BTBD7: variants seen among roughly 807,000 people sequenced by gnomAD.
BTBD7 encodes the protein BTB domain containing 7.
Under a neutral mutation model 99.9 loss-of-function variants are expected in BTBD7, and 38 were observed. The ratio of observed to expected loss-of-function variants is 0.38; its 90% CI spans 0.29 to 0.50. The LOEUF (loss-of-function observed/expected upper bound fraction) is 0.50. Ranked by LOEUF, BTBD7 falls within the 20% of genes least tolerant of loss-of-function variation. The pLI is 0.93. For missense variants in BTBD7, 1,170 were observed against 1,394.6 expected, an observed-to-expected ratio of 0.84 and a Z score of 2.57; for synonymous variants, 520 against 511.4, an observed-to-expected ratio of 1.02 and a Z score of -0.23.
At chr14:93,272,207 G>A (rs746756793) in intron 3 of BTBD7, among the ~76,000 whole-genome samples, 3 of 152,174 alleles carry the variant, frequency 2.0e-5, no homozygotes, top group Non-Finnish European at 2.9e-5. Flanking sequence ...GCTTGAACCC[G>A]GGAGGTAGAG....
chr14:93,321,300 G>A (rs960948294), intron 1 of BTBD7, among the ~76,000 whole-genome samples: 6 of 152,156 alleles, frequency 3.9e-5, no homozygotes, highest in Admixed American at 1.3e-4. Flanking sequence ...TTCCTCCAAA[G>A]GTGCTTCTTT....
intron 3 of BTBD7, among the ~76,000 whole-genome samples, chr14:93,275,760 T>C (rs1229775482): frequency 3.3e-5 from 5 of 152,244 alleles, no homozygotes; most frequent in African/African-American, 1.2e-4. Context: ...ATCTGTTCAC[T>C]GAAACACATC....
At chr14:93,290,933 C>A (rs1566851761) in intron 3 of BTBD7, among the ~76,000 whole-genome samples, 1 of 151,552 alleles carries the variant, frequency 6.6e-6, no homozygotes, top group Non-Finnish European at 1.5e-5. Context: ...GATCCATCCA[C>A]CTCGGCCTCC....
chr14:93,301,504 C>CATATATATAT (rs146779909), intron 1 of BTBD7, among the ~76,000 whole-genome samples: 8 of 150,058 alleles, frequency 5.3e-5, no homozygotes, highest in African/African-American at 1.2e-4. Flanking sequence ...AATATTTTTA[C>CATATATATAT]ATATATATAT....
chr14:93,321,909 A>G (rs1004764724), intron 1 of BTBD7, among the ~76,000 whole-genome samples: 2 of 152,172 alleles, frequency 1.3e-5, no homozygotes, highest in African/African-American at 4.8e-5. Flanking sequence ...AGAAGGAGCG[A>G]GAAGAATGCC....
chr14:93,327,881 A>T (rs2053351836), intron 1 of BTBD7, among the ~76,000 whole-genome samples: 1 of 152,220 alleles, frequency 6.6e-6, no homozygotes, highest in African/African-American at 2.4e-5. Flanking sequence ...TCCACAAAAA[A>T]GATTCCACAC....
intron 10 of BTBD7, among the ~76,000 whole-genome samples, chr14:93,244,977 A>C (rs1384105411): frequency 6.8e-6 from 1 of 147,058 alleles, no homozygotes; most frequent in Non-Finnish European, 1.5e-5. Context: ...GTCCCACCTT[A>C]GCCCCATGAG....
Position 93,332,963 on chromosome 14 carries a change from C to T in BTBD7, c.-250G>A, listed in dbSNP as rs2053474824. 4 of 677,072 alleles carry T rather than the reference C, an allele frequency of 5.9e-6. No homozygotes were observed. The South Asian group carries it at 6.7e-5, about 11-fold the overall frequency. 41.9% of individuals were successfully genotyped at this position (677,072 alleles called of 1,614,324 possible). On this transcript the variant is annotated 5_prime_UTR_variant, in exon 1 of 11. Coordinates refer to ENST00000334746, the MANE Select transcript of BTBD7 (RefSeq NM_001002860.4). ...ACCGCCGCCGCCGCCGCCCTCTCCT[C>T]TCCTGTCAGTGGCTCAGGCTCCGGG... is the stretch of plus-strand genomic sequence containing the variant.
intron 8 of BTBD7, 111 bp from the exon 9 acceptor site, chr14:93,248,765 T>A: frequency 1.0e-6 from 1 of 970,454 alleles, no homozygotes; most frequent in Non-Finnish European, 1.5e-6. Flanking sequence ...TATAAGTTTT[T>A]AAGATAGTAT....
At chr14:93,254,191 C>T (rs2052403741) in intron 6 of BTBD7, among the ~76,000 whole-genome samples, 1 of 152,116 alleles carries the variant, frequency 6.6e-6, no homozygotes, top group South Asian at 2.1e-4. Flanking sequence ...CCCACCTCGG[C>T]CTCCCAAAGT....
At chr14:93,331,864 G>C (rs1386310602) in intron 1 of BTBD7, among the ~76,000 whole-genome samples, 1 of 147,104 alleles carries the variant, frequency 6.8e-6, no homozygotes, top group Non-Finnish European at 1.5e-5. Flanking sequence ...CTGGGTGACA[G>C]AGCGAGACTC....
intron 1 of BTBD7, among the ~76,000 whole-genome samples, chr14:93,307,675 C>A (rs2053087409): frequency 6.6e-6 from 1 of 152,134 alleles, no homozygotes; most frequent in African/African-American, 2.4e-5. Flanking sequence ...CAAATACTAC[C>A]TCTTGGAGAA....
At position 93,294,800 on chromosome 14, in the gene BTBD7, G is replaced by A. The variant is rs759764843; in HGVS notation, c.220C>T (p.Arg74Trp). ...ATLKKKFIKR[R>W]KSNRSADHAK... ...TGATCGGCAGACCTATTAGATTTCCGACGCTTAATAAACTTCTTTTTGAGG... is the reference window on the plus strand; with the variant it reads ...TGATCGGCAGACCTATTAGATTTCCAACGCTTAATAAACTTCTTTTTGAGG... The change falls in exon 3 of 11, where the codon CGG becomes TGG. Residue 74 changes from arginine (R) to tryptophan (W), a missense_variant. Arg to Trp is a moderately radical substitution (Grantham distance 101, BLOSUM62 -3). Coordinates refer to ENST00000334746, the MANE Select transcript of BTBD7 (RefSeq NM_001002860.4). 5.0e-6 allele frequency: 8 copies of A among 1,613,808 alleles called. No homozygotes were observed. The highest frequency in any genetic ancestry group is 1.7e-5 in the Admixed American group (1 of 59,988).
At position 93,308,122 on chromosome 14, in the gene BTBD7, G is replaced by A. The variant is rs2053092344; in HGVS notation, c.-106-11965C>T. On this transcript the variant is annotated intron_variant, in intron 1 of 10. Transcript: ENST00000334746. ...ATCCTGGCTAACACAGTGAAACCCC[G>A]TCTCTACTAAATATATTAGCCGGGT... 5.3e-5 allele frequency among the ~76,000 whole-genome samples: 8 copies of A among 151,900 alleles called. No homozygotes were observed. The South Asian group carries it at 1.7e-3, about 32-fold the overall frequency.
At chr14:93,305,435 A>G (rs1021452710) in intron 1 of BTBD7, among the ~76,000 whole-genome samples, 1 of 152,256 alleles carries the variant, frequency 6.6e-6, no homozygotes, top group Admixed American at 6.5e-5. Context: ...GTTTAGCTAT[A>G]AAAGACCCTC....
At chr14:93,324,241 C>T (rs184931405) in intron 1 of BTBD7, among the ~76,000 whole-genome samples, 7 of 152,092 alleles carry the variant, frequency 4.6e-5, no homozygotes, top group East Asian at 1.9e-4. Context: ...GAGTTCAAGA[C>T]GCCTGGGCAA....
At position 93,301,516 on chromosome 14, in the gene BTBD7, T is replaced by TAC. The variant is rs1171229909; in HGVS notation, c.-106-5360_-106-5359insGT. Among the ~76,000 whole-genome samples, 3 of 151,268 alleles carry TAC rather than the reference T, an allele frequency of 2.0e-5. No homozygotes were observed. The East Asian group carries it at 5.8e-4, about 29-fold the overall frequency. On this transcript the variant is annotated intron_variant, in intron 1 of 10. Coordinates refer to ENST00000334746, the MANE Select transcript of BTBD7 (RefSeq NM_001002860.4). ...AAAAATATTTTTACATATATATATA[T>TAC]ATACACACACACATATACATAAAAT...
chr14:93,242,580 T>C lies in BTBD7; in HGVS notation c.3092A>G (p.Glu1031Gly), dbSNP rs745984819. 2.6e-5 allele frequency: 42 copies of C among 1,614,090 alleles called. No individual in the cohort carries two copies. The highest frequency in any genetic ancestry group is 3.5e-5 in the Non-Finnish European group (41 of 1,180,048). ...KNEPIHLDVV[E>G]QPPQRSDFPL... ...AAAGTCTGACCGCTGGGGAGGTTGCTCAACGACATCCAGGTGTATCGGCTC... is the reference window on the plus strand; with the variant it reads ...AAAGTCTGACCGCTGGGGAGGTTGCCCAACGACATCCAGGTGTATCGGCTC... Residue 1031 changes from glutamate to glycine, a missense_variant, in exon 11 of 11, where the codon GAG becomes GGG. This residue lies in a region of BTBD7 where 495 missense variants were observed against 525.9 expected (regional missense o/e 0.94). Coordinates refer to ENST00000334746, the MANE Select transcript of BTBD7 (RefSeq NM_001002860.4).
At chr14:93,245,733 G>A (rs2052296521) in intron 10 of BTBD7, 92 bp downstream of exon 10, 2 of 1,528,866 alleles carry the variant, frequency 1.3e-6, no homozygotes, top group South Asian at 1.3e-5. Flanking sequence ...TCTGGGCACT[G>A]CTGAGTCCCA....
Sources: allele counts gnomAD v4.1 joint callset (sites outside exome capture counted in the v4.1 genomes callset), GRCh38; gene constraint gnomAD v4.1.1; regional missense constraint gnomAD v4.1.1; transcripts MANE v1.5; gene names NCBI Gene and HGNC (gene_info 2026-07-23, HGNC 2026-07-21).